RBM25: variants seen among roughly 807,000 people sequenced by gnomAD.
RBM25 encodes the protein RNA-binding protein 25.
Under a neutral mutation model 120.7 loss-of-function variants are expected in RBM25, and 19 were observed. The ratio of observed to expected loss-of-function variants is 0.16; its 90% CI spans 0.11 to 0.23. The LOEUF (loss-of-function observed/expected upper bound fraction) is 0.23. RBM25 is among the 10% of genes least tolerant of loss of function. The pLI is 1.00. For missense variants in RBM25, 605 were observed against 1,041.5 expected (o/e 0.58, Z 5.77); for synonymous variants, 390 against 326.7 (o/e 1.19, Z -2.09).
intron 4 of RBM25, among the ~76,000 whole-genome samples, chr14:73,078,851 GCGTTGGC>G (rs1250617053): frequency 3.3e-5 from 5 of 152,122 alleles, no homozygotes; most frequent in Non-Finnish European, 7.3e-5. Flanking sequence ...CAAACCGCCT[GCGTTGGC>G]TTTCCAAAGT....
intron 5 of RBM25, among the ~76,000 whole-genome samples, chr14:73,084,640 C>A (rs1450182990): frequency 6.6e-6 from 1 of 151,190 alleles, no homozygotes; most frequent in African/African-American, 2.4e-5. Flanking sequence ...GCAACTTCCA[C>A]CTCCCAGGTT....
intron 2 of RBM25, 51 bp downstream of exon 2, chr14:73,071,798 G>C (rs756359418): frequency 2.1e-6 from 3 of 1,412,294 alleles, no homozygotes; most frequent in African/African-American, 1.4e-5. Context: ...TTTTGTCTTT[G>C]TGATACTAAC....
chr14:73,114,364 TTTAATTTAAAAA>T (rs1896378302), intron 18 of RBM25, 31 bp downstream of exon 18: 1 of 1,515,278 alleles, frequency 6.6e-7, no homozygotes, highest in African/African-American at 1.4e-5. Context: ...TTTTATTTCT[TTTAATTTAAAAA>T]AAGTTTTTGG....
At position 73,094,998 on chromosome 14, in the gene RBM25, A is replaced by T. The variant is rs576864746; in HGVS notation, c.544-1917A>T. On this transcript the variant is annotated intron_variant, in intron 6 of 18. Transcript: ENST00000261973. The stretch of plus-strand genomic sequence containing the variant: ...CAGCCTCCTGAATAGCTGAGATTAC[A>T]GGCACATGTCACCATGCCCAGCTAA... 5.1e-4 allele frequency among the ~76,000 whole-genome samples: 77 copies of T among 151,772 alleles called. No individual in the cohort carries two copies. In the South Asian group the frequency reaches 0.015, roughly 30 times the overall value.
At chr14:73,097,196 CT>C (rs11390922) in intron 7 of RBM25, 96 bp downstream of exon 7, 6,866 of 139,544 alleles carry the variant, frequency 0.049, 1 homozygote, top group Non-Finnish European at 0.059. Context: ...TTTTTCTTTT[CT>C]TTTTTTTTTT....
At chr14:73,115,135 TTAC>T (rs1298004043) in intron 18 of RBM25, among the ~76,000 whole-genome samples, 53 of 150,152 alleles carry the variant, frequency 3.5e-4, no homozygotes, top group African/African-American at 1.3e-3. Flanking sequence ...ATCACAAGGA[TTAC>T]TACAGGAACT....
Position 73,074,032 on chromosome 14 carries a change from A to G in RBM25, c.106+2285A>G, listed in dbSNP as rs548910684. Among the ~76,000 whole-genome samples, 16 of 152,354 alleles carry G rather than the reference A, an allele frequency of 1.1e-4. No individual in the cohort carries two copies. The South Asian group carries it at 3.1e-3, about 30-fold the overall frequency. On this transcript the variant is annotated intron_variant, in intron 2 of 18. Transcript: ENST00000261973. Reference sequence around the variant, plus strand: ...ATTTTGCTGAAAGGAAATTCTATTGAGAAAATTGAGAAAATGTTGCAGAAA... The same window carrying G: ...ATTTTGCTGAAAGGAAATTCTATTGGGAAAATTGAGAAAATGTTGCAGAAA...
chr14:73,119,430 T>TA (rs1341930824), intron 18 of RBM25, among the ~76,000 whole-genome samples: 11 of 152,106 alleles, frequency 7.2e-5, no homozygotes, highest in African/African-American at 2.7e-4. Flanking sequence ...CATGCCCAGC[T>TA]AGTTTTTTGT....
At chr14:73,084,629 T>A (rs1457784944) in intron 5 of RBM25, among the ~76,000 whole-genome samples, 1 of 152,058 alleles carries the variant, frequency 6.6e-6, no homozygotes, top group Non-Finnish European at 1.5e-5. Context: ...CTTGGCTCAC[T>A]GCAACTTCCA....
intron 10 of RBM25, among the ~76,000 whole-genome samples, chr14:73,104,880 G>GGAAAC (rs1475597792): frequency 6.6e-6 from 1 of 152,036 alleles, no homozygotes; most frequent in African/African-American, 2.4e-5. Flanking sequence ...TGCTAGAACT[G>GGAAAC]GAAACCCAGA....
intron 1 of RBM25, among the ~76,000 whole-genome samples, chr14:73,059,599 C>T (rs138627982): frequency 0.022 from 3,287 of 152,238 alleles, 56 homozygotes; most frequent in Non-Finnish European, 0.031. Flanking sequence ...CACCCTACTG[C>T]TGTATTAGTG....
At chr14:73,063,099 G>T (rs568727156) in intron 1 of RBM25, among the ~76,000 whole-genome samples, 2 of 151,032 alleles carry the variant, frequency 1.3e-5, no homozygotes, top group Admixed American at 1.3e-4. Context: ...CGGGATTACA[G>T]GTATGAGCCA....
intron 1 of RBM25, among the ~76,000 whole-genome samples, chr14:73,062,421 A>G (rs949630468): frequency 6.6e-6 from 1 of 151,426 alleles, no homozygotes; most frequent in African/African-American, 2.4e-5. Context: ...TCAGTTCATT[A>G]TCATTTCAGA....
At chr14:73,092,229 A>T (rs1193312905) in intron 6 of RBM25, among the ~76,000 whole-genome samples, 1 of 143,930 alleles carries the variant, frequency 6.9e-6, no homozygotes, top group Non-Finnish European at 1.5e-5. Context: ...GGAGAGATGA[A>T]AGTCGGAGAG....
chr14:73,069,375 ACTTAAACTT>A (rs1895220547), intron 1 of RBM25, among the ~76,000 whole-genome samples: 1 of 152,252 alleles, frequency 6.6e-6, no homozygotes, highest in Non-Finnish European at 1.5e-5. Flanking sequence ...GAAGTGGAAG[ACTTAAACTT>A]TTTATGTTTT....
intron 14 of RBM25, among the ~76,000 whole-genome samples, chr14:73,110,010 G>A (rs919780478): frequency 1.3e-5 from 2 of 151,666 alleles, no homozygotes; most frequent in Non-Finnish European, 2.9e-5. Flanking sequence ...TCAGCCTCCT[G>A]AGTAGCTGGG....
At chr14:73,100,509 T>C (rs970055447) in intron 9 of RBM25, 5 of 468,780 alleles carry the variant, frequency 1.1e-5, no homozygotes, top group African/African-American at 7.9e-5. Flanking sequence ...TCAATGACAG[T>C]GCATCTGTGA....
Position 73,103,243 on chromosome 14 carries a change from A to G in RBM25, c.919A>G (p.Lys307Glu). Residue 307 changes from lysine (K) to glutamate (E), a missense_variant, in exon 10 of 19, where the codon AAA becomes GAA. Transcript: ENST00000261973. ...KKEKERQEIEKERRERERERE... is the reference protein window; with the variant it reads ...KKEKERQEIEEERRERERERE... ...GGAAAAAGAAAGACAGGAAATTGAG[A>G]AAGAACGGAGAGAAAGAGAGAGGGA... The G allele has an allele frequency of 6.2e-7, 1 of 1,606,236 alleles. No individual in the cohort carries two copies. Among genetic ancestry groups the G allele is most frequent in the South Asian group, 1.1e-5 (1 of 90,146 alleles).
At chr14:73,073,102 A>G (rs1184606451) in intron 2 of RBM25, among the ~76,000 whole-genome samples, 1 of 152,048 alleles carries the variant, frequency 6.6e-6, no homozygotes, top group Admixed American at 6.6e-5. Context: ...TTTTTAAAAA[A>G]CATTTTATAA....
Sources: allele counts gnomAD v4.1 joint callset (sites outside exome capture counted in the v4.1 genomes callset), GRCh38; gene constraint gnomAD v4.1.1; transcripts MANE v1.5; gene names NCBI Gene and HGNC (gene_info 2026-07-23, HGNC 2026-07-21).